Variants in MIA2 observed in about 807,000 individuals in gnomAD.
MIA2 encodes the protein melanoma inhibitory activity protein 2.
Under a neutral mutation model 167.8 loss-of-function variants are expected in MIA2, and 127 were observed. The observed-to-expected ratio is 0.76, with a 90% CI of 0.66 to 0.88. The LOEUF (loss-of-function observed/expected upper bound fraction) is 0.88, where lower values mean the gene tolerates loss of function less well. Among genes scored for constraint, MIA2 ranks in the 40% least tolerant of loss-of-function variants. The pLI, the probability that MIA2 is intolerant of heterozygous loss-of-function variation, is 0.00. For missense variants in MIA2, 1,690 were observed against 1,624.7 expected (o/e 1.04, Z -0.69); for synonymous variants, 552 against 541.9 (o/e 1.02, Z -0.26).
chr14:39,279,440 C>CT lies in MIA2; in HGVS notation c.2042-3dup, dbSNP rs1566695002. ...TTTACTCATGGTAATATTGACTTGA[C>CT]TTTTTTAGGACGAGAGAAAAAGCTT... On this transcript the variant is annotated splice_polypyrimidine_tract_variant and intron_variant, in intron 8 of 28. Transcript: ENST00000640607. 1 of 1,603,654 alleles carries CT rather than the reference C, an allele frequency of 6.2e-7. No homozygotes were observed. Among genetic ancestry groups the CT allele is most frequent in the Non-Finnish European group, 8.5e-7 (1 of 1,177,352 alleles).
At chr14:39,267,097 G>C in intron 6 of MIA2, 1 of 1,108,926 alleles carries the variant, frequency 9.0e-7, no homozygotes, top group Non-Finnish European at 1.1e-6. Context: ...AAGCTTGCGC[G>C]AAGAAGGGGA....
intron 20 of MIA2, 88 bp from the exon 21 acceptor site, chr14:39,315,595 T>G: frequency 2.1e-6 from 2 of 971,994 alleles, no homozygotes; most frequent in Non-Finnish European, 3.2e-6. Flanking sequence ...TAGTTTTGAG[T>G]TGTGCACTAC....
chr14:39,291,044 C>G lies in MIA2; in HGVS notation c.2156C>G (p.Ser719Cys). The G allele has an allele frequency of 3.1e-6, 5 of 1,607,324 alleles. No individual in the cohort carries two copies. Among genetic ancestry groups the G allele is most frequent in the Non-Finnish European group, 4.2e-6 (5 of 1,177,708 alleles). ...TATGAAGGCTATGAAGTAGAGTCATCTTTAAAGGATGCCAGCTTTGAGAAG... is the reference window on the plus strand; with the variant it reads ...TATGAAGGCTATGAAGTAGAGTCATGTTTAAAGGATGCCAGCTTTGAGAAG... ...KEYEGYEVES[S>C]LKDASFEKEA... Residue 719 changes from serine to cysteine, a missense_variant, in exon 10 of 29, where the codon TCT becomes TGT. Transcript: ENST00000640607.
At chr14:39,275,091 T>A (rs867130522) in intron 6 of MIA2, among the ~76,000 whole-genome samples, 383 of 21,130 alleles carry the variant, frequency 0.018, 3 homozygotes, top group Non-Finnish European at 0.024. Context: ...AAAAAAAAAT[T>A]TTTTTTTTTT....
intron 14 of MIA2, among the ~76,000 whole-genome samples, chr14:39,301,496 G>C (rs1036009184): frequency 4.6e-5 from 7 of 152,220 alleles, no homozygotes; most frequent in African/African-American, 1.7e-4. Context: ...TTTGTGCCTG[G>C]AACTCTGAAG....
At chr14:39,239,218 C>G (rs1019092580) in intron 2 of MIA2, among the ~76,000 whole-genome samples, 1 of 152,148 alleles carries the variant, frequency 6.6e-6, no homozygotes, top group African/African-American at 2.4e-5. Flanking sequence ...CTCTGCAGTT[C>G]CCAACTTTCC....
chr14:39,289,744 A>C (rs2060472349), intron 9 of MIA2, among the ~76,000 whole-genome samples: 1 of 152,130 alleles, frequency 6.6e-6, no homozygotes, highest in South Asian at 2.1e-4. Context: ...TGGCCTCCCA[A>C]AATGCTGGGA....
At chr14:39,280,756 CAAAA>C (rs1332392698) in intron 9 of MIA2, among the ~76,000 whole-genome samples, 4 of 151,318 alleles carry the variant, frequency 2.6e-5, no homozygotes, top group African/African-American at 9.7e-5. Flanking sequence ...AACAAACAAA[CAAAA>C]AAACCCTACT....
intron 23 of MIA2, among the ~76,000 whole-genome samples, chr14:39,378,549 C>T (rs2075089725): frequency 1.3e-5 from 2 of 152,260 alleles, no homozygotes; most frequent in African/African-American, 4.8e-5. Flanking sequence ...TTAGAACAGC[C>T]ATGGTTAAAG....
intron 23 of MIA2, 55 bp downstream of exon 23, chr14:39,319,346 A>G: frequency 1.2e-6 from 1 of 809,036 alleles, no homozygotes; most frequent in South Asian, 2.8e-5. Context: ...ATATATATAT[A>G]TATTGCACAT....
chr14:39,248,280 C>G (rs2054399600), intron 4 of MIA2, 139 bp downstream of exon 4: 1 of 584,364 alleles, frequency 1.7e-6, no homozygotes, highest in Admixed American at 4.3e-5. Flanking sequence ...CCAGTTTACT[C>G]TGGAATTTAG....
chr14:39,305,049 T>C (rs1003932434), intron 17 of MIA2, among the ~76,000 whole-genome samples: 1 of 152,188 alleles, frequency 6.6e-6, no homozygotes, highest in Non-Finnish European at 1.5e-5. Flanking sequence ...TGATTATCTC[T>C]GAATATGGGA....
chr14:39,235,942 T>C (rs772389458), intron 1 of MIA2, among the ~76,000 whole-genome samples: 31 of 152,176 alleles, frequency 2.0e-4, no homozygotes, highest in Non-Finnish European at 3.7e-4. Flanking sequence ...AAAAATATCT[T>C]ATTTTACATA....
intron 3 of MIA2, 79 bp downstream of exon 3, chr14:39,240,726 T>C (rs1171273566): frequency 7.5e-6 from 7 of 937,152 alleles, no homozygotes; most frequent in African/African-American, 3.3e-5. Context: ...TCAGTGCCTA[T>C]TGGTTATGTA....
intron 23 of MIA2, among the ~76,000 whole-genome samples, chr14:39,379,916 C>T (rs2075119678): frequency 6.6e-6 from 1 of 151,770 alleles, no homozygotes; most frequent in Non-Finnish European, 1.5e-5. Flanking sequence ...TTTCCTAAGG[C>T]AAACAAAAAA....
chr14:39,289,946 T>G (rs976302104), intron 9 of MIA2, among the ~76,000 whole-genome samples: 2 of 152,240 alleles, frequency 1.3e-5, no homozygotes, highest in African/African-American at 2.4e-5. Flanking sequence ...TATCATTCTT[T>G]TCTAAGTTTG....
intron 18 of MIA2, among the ~76,000 whole-genome samples, chr14:39,312,831 TG>T (rs2064565272): frequency 6.6e-6 from 1 of 152,104 alleles, no homozygotes; most frequent in Non-Finnish European, 1.5e-5. Context: ...TAGAATTAGA[TG>T]TAGTAAATAG....
chr14:39,350,884 C>G (rs1396518646), downstream of MIA2: 1 of 151,990 alleles, frequency 6.6e-6, no homozygotes, highest in East Asian at 1.9e-4. Context: ...TAAAGATAAC[C>G]AGGATATTAT....
chr14:39,269,649 A>T (rs2056773765), intron 6 of MIA2, among the ~76,000 whole-genome samples: 1 of 151,760 alleles, frequency 6.6e-6, no homozygotes, highest in Non-Finnish European at 1.5e-5. Context: ...CCTCCTGAAT[A>T]GGTGGGACCA....
Sources: allele counts gnomAD v4.1 joint callset (sites outside exome capture counted in the v4.1 genomes callset), GRCh38; gene constraint gnomAD v4.1.1; transcripts MANE v1.5; gene names NCBI Gene and HGNC (gene_info 2026-07-23, HGNC 2026-07-21).